RAB3B: variants seen among roughly 807,000 people sequenced by gnomAD.
RAB3B encodes RAB3B, member RAS oncogene family, also known as ras-related protein Rab-3B.
Under a neutral mutation model 20.5 loss-of-function variants are expected in RAB3B, and 11 were observed. That is an observed-to-expected ratio of 0.54 (90% CI 0.34 to 0.89). The LOEUF is 0.89. Ranked by LOEUF, RAB3B falls within the 40% of genes least tolerant of loss-of-function variation. The probability of loss-of-function intolerance (pLI) is 0.02; values close to 1 mark genes in which losing one functional copy is unlikely to be tolerated. For missense variants in RAB3B, 225 were observed against 280.9 expected, an observed-to-expected ratio of 0.80 and a Z score of 1.42; for synonymous variants, 99 against 106.3, an observed-to-expected ratio of 0.93 and a Z score of 0.42.
intron 2 of RAB3B, among the ~76,000 whole-genome samples, chr1:51,939,165 T>C (rs1336714838): frequency 6.6e-6 from 1 of 152,198 alleles, no homozygotes; most frequent in Non-Finnish European, 1.5e-5. Flanking sequence ...TGCTTCCAAA[T>C]TTTCCACACA....
intron 1 of RAB3B, among the ~76,000 whole-genome samples, chr1:51,985,310 G>A (rs1270377829): frequency 6.6e-6 from 1 of 152,128 alleles, no homozygotes; most frequent in Non-Finnish European, 1.5e-5. Context: ...CTGGATTCAA[G>A]GGGGCTTTAT....
intron 1 of RAB3B, among the ~76,000 whole-genome samples, chr1:51,987,732 G>A (rs566095860): frequency 6.6e-6 from 1 of 152,122 alleles, no homozygotes; most frequent in African/African-American, 2.4e-5. Context: ...TCTTGGTATA[G>A]GCAAGGGATT....
rs1281848948 is a variant in RAB3B at position 51,977,106 on chromosome 1, CA to C, written c.11del (p.Val4GlyfsTer58). Reference sequence around the variant, plus strand: ...CTTTGACTCCAGTTTTACCATCTGTCACTGAAGCCATCTGCAAGAGAGACCT... The same window carrying C: ...CTTTGACTCCAGTTTTACCATCTGTCCTGAAGCCATCTGCAAGAGAGACCT... Reference protein sequence around the residue: MASVTDGKTGVKDA... With the variant: MASXTDGKTGVKDA... On this transcript the variant is annotated frameshift_variant, in exon 2 of 5. Transcript: ENST00000371655. LOFTEE classifies it high-confidence loss of function. 1 of 1,613,940 alleles carries C rather than the reference CA, an allele frequency of 6.2e-7. No homozygotes were observed. Among genetic ancestry groups the C allele is most frequent in the Non-Finnish European group, 8.5e-7 (1 of 1,179,950 alleles).
intron 2 of RAB3B, among the ~76,000 whole-genome samples, chr1:51,966,398 C>T (rs547312758): frequency 1.3e-5 from 2 of 152,294 alleles, no homozygotes; most frequent in South Asian, 2.1e-4. Flanking sequence ...ATAATATGTA[C>T]ATGACACATG....
intron 4 of RAB3B, among the ~76,000 whole-genome samples, chr1:51,921,230 G>A (rs1020551655): frequency 5.9e-5 from 9 of 152,060 alleles, no homozygotes; most frequent in African/African-American, 1.9e-4. Flanking sequence ...CCTTTCCCCT[G>A]TGTCCCTTGC....
chr1:51,924,985 C>G (rs1684224995), intron 4 of RAB3B, among the ~76,000 whole-genome samples: 1 of 152,096 alleles, frequency 6.6e-6, no homozygotes. Context: ...CAATTCTTAA[C>G]TGAATCTGAG....
chr1:51,915,258 T>C lies in RAB3B; in HGVS notation c.*4669A>G, dbSNP rs1206191537. 1.3e-5 allele frequency: 2 copies of C among 152,146 alleles called. No individual in the cohort carries two copies. The highest frequency in any genetic ancestry group is 2.9e-5 in the Non-Finnish European group (2 of 68,024). The allele number at this position is 152,146 out of a possible 1,614,324, so 9.4% of individuals were successfully genotyped here. ...TTGCAGGCAGGGATCATTTTTTTTTTCATCTGTATTTATCTAGTGCTTAAT... is the reference window on the plus strand; with the variant it reads ...TTGCAGGCAGGGATCATTTTTTTTTCCATCTGTATTTATCTAGTGCTTAAT... On this transcript the variant is annotated 3_prime_UTR_variant, in exon 5 of 5. Coordinates refer to ENST00000371655, the MANE Select transcript of RAB3B (RefSeq NM_002867.4).
At position 51,919,368 on chromosome 1, in the gene RAB3B, T is replaced by C. The variant is rs1684135953; in HGVS notation, c.*559A>G. Reference sequence around the variant, plus strand: ...GTCTGAGCTCTCTGAAGATTAGCTCTTCCTGTCGCCACAGCAACTGCCCAG... The same window carrying C: ...GTCTGAGCTCTCTGAAGATTAGCTCCTCCTGTCGCCACAGCAACTGCCCAG... On this transcript the variant is annotated 3_prime_UTR_variant, in exon 5 of 5. Transcript: ENST00000371655. The C allele has an allele frequency of 6.6e-6, 1 of 152,444 alleles. No homozygotes were observed. Among genetic ancestry groups the C allele is most frequent in the Admixed American group, 6.5e-5 (1 of 15,292 alleles). 9.4% of individuals were successfully genotyped at this position (152,444 alleles called of 1,614,324 possible). A position where few individuals can be genotyped will look rare whatever the true frequency, so the allele number is the denominator to read the frequency against.
chr1:51,953,143 A>G (rs1684662023), intron 2 of RAB3B, among the ~76,000 whole-genome samples: 1 of 152,230 alleles, frequency 6.6e-6, no homozygotes. Context: ...CATTCATAAT[A>G]TCCCAGTGCT....
At chr1:51,944,964 A>C (rs1332289375) in intron 2 of RAB3B, among the ~76,000 whole-genome samples, 1 of 152,228 alleles carries the variant, frequency 6.6e-6, no homozygotes, top group Non-Finnish European at 1.5e-5. Context: ...CATGCAACAG[A>C]GAAATCTTTC....
intron 4 of RAB3B, among the ~76,000 whole-genome samples, chr1:51,926,287 G>C (rs1447594057): frequency 6.6e-6 from 1 of 152,232 alleles, no homozygotes; most frequent in Non-Finnish European, 1.5e-5. Context: ...TGTGTCCCCA[G>C]AGTCCATGAT....
chr1:51,943,098 A>G (rs1272115923), intron 2 of RAB3B, among the ~76,000 whole-genome samples: 1 of 152,050 alleles, frequency 6.6e-6, no homozygotes, highest in Non-Finnish European at 1.5e-5. Flanking sequence ...ATAACCCTAC[A>G]ATGGGCCCAG....
chr1:51,923,485 G>A (rs1358954567), intron 4 of RAB3B, among the ~76,000 whole-genome samples: 8 of 152,156 alleles, frequency 5.3e-5, no homozygotes, highest in African/African-American at 1.4e-4. Context: ...GGAGGCCGAG[G>A]TGGGTGGATC....
chr1:51,983,975 A>G (rs1375492377), intron 1 of RAB3B, among the ~76,000 whole-genome samples: 1 of 151,660 alleles, frequency 6.6e-6, no homozygotes, highest in African/African-American at 2.4e-5. Context: ...AAAAGAAAAG[A>G]AAGTAAGGGC....
At chr1:51,931,174 C>T (rs1571959487) in intron 4 of RAB3B, among the ~76,000 whole-genome samples, 1 of 152,172 alleles carries the variant, frequency 6.6e-6, no homozygotes, top group Admixed American at 6.5e-5. Context: ...AGACTCACAC[C>T]ATCCAGTGAT....
intron 2 of RAB3B, among the ~76,000 whole-genome samples, chr1:51,955,342 A>G (rs1473858388): frequency 6.6e-6 from 1 of 152,202 alleles, no homozygotes; most frequent in African/African-American, 2.4e-5. Flanking sequence ...CTGACATGAC[A>G]TTCCAAAGCC....
chr1:51,967,611 T>C (rs1557974471), intron 2 of RAB3B, among the ~76,000 whole-genome samples: 1 of 144,312 alleles, frequency 6.9e-6, no homozygotes, highest in African/African-American at 2.5e-5. Flanking sequence ...AGCCTTGACC[T>C]CCCAGGCTCA....
chr1:51,983,791 C>G (rs754859937), intron 1 of RAB3B, among the ~76,000 whole-genome samples: 1 of 143,536 alleles, frequency 7.0e-6, no homozygotes, highest in Non-Finnish European at 1.6e-5. Context: ...GAAATCCAGT[C>G]TCTACTAAAA....
intron 1 of RAB3B, among the ~76,000 whole-genome samples, chr1:51,989,099 G>GCACACACACACA (rs1685186550): frequency 3.8e-5 from 1 of 26,148 alleles, no homozygotes; most frequent in Non-Finnish European, 1.0e-4. Flanking sequence ...CCACCTGTGC[G>GCACACACACACA]CGCGCACACA....
Sources: allele counts gnomAD v4.1 joint callset (sites outside exome capture counted in the v4.1 genomes callset), GRCh38; gene constraint gnomAD v4.1.1; transcripts MANE v1.5; gene names NCBI Gene and HGNC (gene_info 2026-07-23, HGNC 2026-07-21).